The following BEST3 variants were observed in gnomAD, a reference collection of about 807,000 sequenced individuals.
BEST3 encodes bestrophin 3, also known as bestrophin-3.
BEST3 carries 50 observed loss-of-function variants against 47.1 expected under a neutral mutation model. That is an observed-to-expected ratio of 1.06 (90% CI 0.85 to 1.34). The LOEUF is 1.34. BEST3 is among the 40% of genes most tolerant of loss of function. The pLI is 0.00. For missense variants in BEST3, 765 were observed against 817.0 expected (o/e 0.94, Z 0.78); for synonymous variants, 282 against 298.8 (o/e 0.94, Z 0.58).
In BEST3 at chr12:69,655,295, T is replaced by C. The variant is rs754927786; in HGVS notation, c.1619A>G (p.Glu540Gly). ...GGATCCCATGGGGCCCTGCTGCTGC[T>C]CAGTCTTGCTTGGCTGAACCCCTGT... is the stretch of plus-strand genomic sequence containing the variant. ...EFTGVQPSKTEQQQGPMGSIL... is the reference protein window; with the variant it reads ...EFTGVQPSKTGQQQGPMGSIL... Residue 540 changes from glutamate (E) to glycine (G), a missense_variant, in exon 10 of 10, where the codon GAG becomes GGG. Transcript: ENST00000330891. 6 of 1,614,180 alleles carry C rather than the reference T, an allele frequency of 3.7e-6. No individual in the cohort carries two copies. The South Asian group carries it at 6.6e-5, about 18-fold the overall frequency.
At chr12:69,693,508 G>A (rs1403391027) in intron 4 of BEST3, among the ~76,000 whole-genome samples, 166 bp downstream of exon 4, 6 of 151,984 alleles carry the variant, frequency 3.9e-5, no homozygotes, top group African/African-American at 1.4e-4. Context: ...CAGATGATCC[G>A]CCCGCCTCCA....
In BEST3 at chr12:69,699,285, G is replaced by A. The variant is rs1886236988; in HGVS notation, c.-96C>T. On this transcript the variant is annotated 5_prime_UTR_variant, in exon 1 of 10. Transcript: ENST00000330891. ...CCCCCGAAGAGGTGCCTTCAGGTCG[G>A]TGCTGCACGCCCGGTGTCACCCTTC... The A allele has an allele frequency of 1.0e-5, 10 of 985,414 alleles. No homozygotes were observed. The highest frequency in any genetic ancestry group is 1.2e-5 in the Non-Finnish European group (10 of 829,928). The allele number at this position is 985,414 out of a possible 1,614,324, so 61.0% of individuals were successfully genotyped here. A position where few individuals can be genotyped will look rare whatever the true frequency, so the allele number is the denominator to read the frequency against.
chr12:69,694,959 T>G (rs1886078139), intron 2 of BEST3, among the ~76,000 whole-genome samples: 1 of 152,202 alleles, frequency 6.6e-6, no homozygotes, highest in Non-Finnish European at 1.5e-5. Context: ...CTTCAAGGGA[T>G]ATTATAACTG....
In BEST3 at chr12:69,654,468, T is replaced by A; in HGVS notation, c.*439A>T. On this transcript the variant is annotated 3_prime_UTR_variant, in exon 10 of 10. Coordinates refer to ENST00000330891, the MANE Select transcript of BEST3 (RefSeq NM_032735.3). ...GATCTTTCAGGCATTAGGTGATCCA[T>A]CTCCTTTCTTTATGGCTAAAGAAAA... 1 of 987,802 alleles carries A rather than the reference T, an allele frequency of 1.0e-6. No individual in the cohort carries two copies. The highest frequency in any genetic ancestry group is 1.2e-6 in the Non-Finnish European group (1 of 831,608). The allele number at this position is 987,802 out of a possible 1,614,324, so 61.2% of individuals were successfully genotyped here. A position where few individuals can be genotyped will look rare whatever the true frequency, so the allele number is the denominator to read the frequency against.
intron 9 of BEST3, among the ~76,000 whole-genome samples, chr12:69,666,429 A>G (rs1884224560): frequency 6.6e-6 from 1 of 152,166 alleles, no homozygotes; most frequent in South Asian, 2.1e-4. Context: ...TTTCTACCCC[A>G]CACTCTCACT....
At chr12:69,699,093 T>G (rs1886231450) in intron 1 of BEST3, 112 bp downstream of exon 1, 1 of 589,796 alleles carries the variant, frequency 1.7e-6, no homozygotes, top group African/African-American at 2.0e-5. Flanking sequence ...TAATTAACTT[T>G]CCTTTCTTTC....
intron 9 of BEST3, among the ~76,000 whole-genome samples, chr12:69,669,376 C>G (rs1452855270): frequency 2.0e-5 from 3 of 152,108 alleles, no homozygotes; most frequent in Non-Finnish European, 4.4e-5. Flanking sequence ...CTCACAAAAC[C>G]CTCTCCCAAT....
intron 9 of BEST3, among the ~76,000 whole-genome samples, chr12:69,647,084 G>C (rs935301674): frequency 6.6e-6 from 1 of 152,222 alleles, no homozygotes; most frequent in African/African-American, 2.4e-5. Context: ...TAAAGACTTA[G>C]ACTGTAGGTC....
chr12:69,656,353 C>A (rs1202701963), intron 9 of BEST3, among the ~76,000 whole-genome samples: 4 of 138,280 alleles, frequency 2.9e-5, no homozygotes, highest in African/African-American at 1.1e-4. Flanking sequence ...ATCTATATAT[C>A]TATATCTATG....
chr12:69,652,046 T>A (rs148297755), downstream of BEST3, among the ~76,000 whole-genome samples: 1 of 152,210 alleles, frequency 6.6e-6, no homozygotes, highest in African/African-American at 2.4e-5. Flanking sequence ...GATAACAGCC[T>A]TCTTTGTTTT....
chr12:69,657,663 G>A (rs1447131763), intron 9 of BEST3, among the ~76,000 whole-genome samples: 1 of 152,190 alleles, frequency 6.6e-6, no homozygotes, highest in Non-Finnish European at 1.5e-5. Context: ...GTGACAAGAT[G>A]CCGGGTGCAT....
chr12:69,645,284 T>C (rs1882996485), intron 9 of BEST3, among the ~76,000 whole-genome samples: 1 of 152,170 alleles, frequency 6.6e-6, no homozygotes, highest in Non-Finnish European at 1.5e-5. Flanking sequence ...TGAGTTTTTG[T>C]TAAGGCTCCC....
At chr12:69,695,935 A>G (rs1886117344) in intron 2 of BEST3, among the ~76,000 whole-genome samples, 1 of 152,222 alleles carries the variant, frequency 6.6e-6, no homozygotes, top group African/African-American at 2.4e-5. Flanking sequence ...TAATAGCTAG[A>G]AAGTATTTCA....
In BEST3 at chr12:69,677,045, G is replaced by A. The variant is rs775589749; in HGVS notation, c.738C>T (p.Thr246=). The change falls in exon 7 of 10, where the codon ACC becomes ACT. Residue 246 remains threonine, a synonymous_variant. Coordinates refer to ENST00000330891, the MANE Select transcript of BEST3 (RefSeq NM_032735.3). ...YTQVVTLAVY[T]FFFACLIGRQ... is the part of the protein sequence containing the mutation. ...GTCCAATCAGGCACGCAAAGAAGAA[G>A]GTATAGACAGCAAGAGTGACAACCT... 5 of 1,614,182 alleles carry A rather than the reference G, an allele frequency of 3.1e-6. No homozygotes were observed. The highest frequency in any genetic ancestry group is 3.3e-5 in the Admixed American group (2 of 60,020).
intron 9 of BEST3, among the ~76,000 whole-genome samples, chr12:69,666,658 G>C (rs1438746131): frequency 6.6e-6 from 1 of 152,026 alleles, no homozygotes; most frequent in Non-Finnish European, 1.5e-5. Context: ...TGTTCTGATT[G>C]CTCCCACCCA....
intron 9 of BEST3, chr12:69,661,123 T>C (rs1883847572): frequency 6.6e-6 from 1 of 152,184 alleles, no homozygotes. Flanking sequence ...GTGTGTCTAA[T>C]ATAGAAAGAC....
At chr12:69,692,827 A>C (rs1404200526) in intron 4 of BEST3, among the ~76,000 whole-genome samples, 2 of 152,182 alleles carry the variant, frequency 1.3e-5, no homozygotes, top group Non-Finnish European at 2.9e-5. Flanking sequence ...CAATGGCATG[A>C]TCTTGGCTCA....
At chr12:69,684,686 C>T in intron 4 of BEST3, 1 of 540,156 alleles carries the variant, frequency 1.9e-6, no homozygotes, top group Non-Finnish European at 3.6e-6. Flanking sequence ...GTGCAACGTG[C>T]CTGGCTTGTT....
At chr12:69,671,658 G>A in intron 8 of BEST3, 79 bp from the exon 9 acceptor site, 3 of 1,341,222 alleles carry the variant, frequency 2.2e-6, no homozygotes, top group Non-Finnish European at 3.2e-6. Context: ...GCAGATGAGA[G>A]TTAGATTGGG....
Sources: allele counts gnomAD v4.1 joint callset (sites outside exome capture counted in the v4.1 genomes callset), GRCh38; gene constraint gnomAD v4.1.1; transcripts MANE v1.5; gene names NCBI Gene and HGNC (gene_info 2026-07-23, HGNC 2026-07-21).